Variants in TNIK observed in about 807,000 individuals in gnomAD.
TNIK encodes the protein TRAF2 and NCK interacting kinase.
In TNIK, 49 loss-of-function variants were observed where a neutral mutation model predicts 191.3. The observed-to-expected ratio is 0.26, with a 90% CI of 0.20 to 0.32. The LOEUF (loss-of-function observed/expected upper bound fraction) is 0.32, where lower values mean the gene tolerates loss of function less well. Ranked by LOEUF, TNIK falls within the 10% of genes least tolerant of loss-of-function variation. The pLI is 1.00. For missense variants in TNIK, 1,155 were observed against 1,702.3 expected (o/e 0.68, Z 5.66); for synonymous variants, 594 against 600.9 (o/e 0.99, Z 0.17).
At chr3:171,355,616 G>C (rs1713923499) in intron 2 of TNIK, among the ~76,000 whole-genome samples, 1 of 152,182 alleles carries the variant, frequency 6.6e-6, no homozygotes, top group Admixed American at 6.5e-5. Flanking sequence ...GAAAGAATGA[G>C]ATAACTCTGG....
intron 10 of TNIK, among the ~76,000 whole-genome samples, chr3:171,165,033 A>G (rs1236023519): frequency 6.6e-6 from 1 of 152,194 alleles, no homozygotes; most frequent in Non-Finnish European, 1.5e-5. Flanking sequence ...CATGCCTATA[A>G]TACCAGCACT....
At chr3:171,074,609 T>C (rs1719654180) in intron 28 of TNIK, among the ~76,000 whole-genome samples, 1 of 152,206 alleles carries the variant, frequency 6.6e-6, no homozygotes, top group Non-Finnish European at 1.5e-5. Flanking sequence ...AAATTTAAAA[T>C]CATCTTGAAA....
intron 21 of TNIK, among the ~76,000 whole-genome samples, chr3:171,105,406 G>A (rs1156753716): frequency 6.6e-6 from 1 of 152,180 alleles, no homozygotes; most frequent in African/African-American, 2.4e-5. Flanking sequence ...AACCAAAACT[G>A]TCTCCAGATT....
At position 171,350,388 on chromosome 3, in the gene TNIK, TAC is replaced by T. The variant is rs572305214; in HGVS notation, c.123+19230_123+19231del. Among the ~76,000 whole-genome samples the T allele has an allele frequency of 2.4e-3, 356 of 147,362 alleles. 2 individuals carry two copies. Among genetic ancestry groups the T allele is most frequent in the African/African-American group, 8.0e-3 (332 of 41,266 alleles). On this transcript the variant is annotated intron_variant, in intron 2 of 32. Transcript: ENST00000436636. Reference sequence around the variant, plus strand: ...ATTCTGAGGTGTTTCTAGAGCTCTTTACAACTAATCTCAACACCCAGAATGAA... The same window carrying T: ...ATTCTGAGGTGTTTCTAGAGCTCTTTAACTAATCTCAACACCCAGAATGAA...
intron 2 of TNIK, among the ~76,000 whole-genome samples, chr3:171,300,401 G>A (rs1366626534): frequency 1.3e-5 from 2 of 152,132 alleles, no homozygotes; most frequent in Non-Finnish European, 2.9e-5. Flanking sequence ...CTTGAAGGTT[G>A]TAAGGAAGAA....
chr3:171,393,834 G>T (rs1719878940), intron 1 of TNIK, among the ~76,000 whole-genome samples: 1 of 152,150 alleles, frequency 6.6e-6, no homozygotes, highest in African/African-American at 2.4e-5. Flanking sequence ...ACAGGACACG[G>T]ACAGAAAAGA....
intron 2 of TNIK, among the ~76,000 whole-genome samples, chr3:171,302,225 A>G (rs1388279130): frequency 4.6e-5 from 7 of 152,132 alleles, no homozygotes; most frequent in Admixed American, 2.6e-4. Context: ...TGGCCTCACA[A>G]GCCTGTCTCT....
intron 2 of TNIK, among the ~76,000 whole-genome samples, chr3:171,284,867 G>A (rs1405809233): frequency 1.3e-5 from 2 of 152,166 alleles, no homozygotes; most frequent in East Asian, 3.8e-4. Context: ...ACTAAAGCAG[G>A]GAAGGAGTAA....
intron 31 of TNIK, 41 bp downstream of exon 31, chr3:171,066,535 G>C: frequency 6.2e-7 from 1 of 1,612,094 alleles, no homozygotes; most frequent in South Asian, 1.1e-5. Context: ...TTTCATTTGG[G>C]GGGTGTAACT....
chr3:171,459,787 A>C (rs13060086), intron 1 of TNIK, among the ~76,000 whole-genome samples: 1 of 151,456 alleles, frequency 6.6e-6, no homozygotes, highest in Non-Finnish European at 1.5e-5. Flanking sequence ...GGAGAGCCTA[A>C]GCCACGGCCA....
At chr3:171,183,746 C>T (rs1387232562) in intron 7 of TNIK, among the ~76,000 whole-genome samples, 2 of 152,090 alleles carry the variant, frequency 1.3e-5, no homozygotes, top group South Asian at 2.1e-4. Flanking sequence ...CACAGTGAAA[C>T]CCTGTCTCTA....
At chr3:171,278,949 C>T (rs561163413) in intron 2 of TNIK, among the ~76,000 whole-genome samples, 25 of 152,234 alleles carry the variant, frequency 1.6e-4, no homozygotes, top group African/African-American at 6.0e-4. Context: ...AGAAATTGTA[C>T]AGTACTGAGC....
intron 2 of TNIK, among the ~76,000 whole-genome samples, chr3:171,311,119 T>C (rs1269691446): frequency 6.6e-6 from 1 of 151,472 alleles, no homozygotes; most frequent in Non-Finnish European, 1.5e-5. Context: ...TAAAAGCATG[T>C]CCCCACAGTA....
rs564803529 is a variant in TNIK at position 171,230,482 on chromosome 3, C to T, written c.124-2261G>A. On this transcript the variant is annotated intron_variant, in intron 2 of 32. Coordinates refer to ENST00000436636, the MANE Select transcript of TNIK (RefSeq NM_015028.4). Reference sequence around the variant, plus strand: ...CAGGATACAGACAAACCACTGGGCACGGCTTGCAGGGCCCTCCAAGAGCTG... The same window carrying T: ...CAGGATACAGACAAACCACTGGGCATGGCTTGCAGGGCCCTCCAAGAGCTG... Among the ~76,000 whole-genome samples, 6 of 152,274 alleles carry T rather than the reference C, an allele frequency of 3.9e-5. No homozygotes were observed. In the East Asian group the frequency reaches 7.7e-4, roughly 20 times the overall value.
rs114773297 is a variant in TNIK, at chr3:171,360,270, A to G, written c.123+9350T>C. ...TGCATGTGTCTACATCCTTCAACAC[A>G]TCAACTACACCAAGCAATGCCACCA... On this transcript the variant is annotated intron_variant, in intron 2 of 32. Coordinates refer to ENST00000436636, the MANE Select transcript of TNIK (RefSeq NM_015028.4). Among the ~76,000 whole-genome samples the G allele has an allele frequency of 3.7e-3, 566 of 152,336 alleles. 3 individuals are homozygous for G. The highest frequency in any genetic ancestry group is 0.012 in the African/African-American group (504 of 41,584).
intron 2 of TNIK, among the ~76,000 whole-genome samples, chr3:171,309,242 C>G (rs2108295224): frequency 6.6e-6 from 1 of 152,252 alleles, no homozygotes; most frequent in African/African-American, 2.4e-5. Flanking sequence ...GAGACCATGT[C>G]TTTTGCAGCA....
chr3:171,092,644 A>G (rs772839686), intron 23 of TNIK, among the ~76,000 whole-genome samples: 2 of 152,266 alleles, frequency 1.3e-5, no homozygotes, highest in Admixed American at 6.5e-5. Context: ...TTTAAAGGCT[A>G]CTTGAAAGAT....
chr3:171,176,675 G>A (rs562408866), intron 8 of TNIK, among the ~76,000 whole-genome samples: 1 of 152,324 alleles, frequency 6.6e-6, no homozygotes, highest in Admixed American at 6.5e-5. Flanking sequence ...ACTGTGCTAG[G>A]TCACTGGCGG....
At chr3:171,206,335 G>GTATGTATATATATA (rs1553855836) in intron 4 of TNIK, among the ~76,000 whole-genome samples, 5 of 133,030 alleles carry the variant, frequency 3.8e-5, no homozygotes, top group Non-Finnish European at 8.0e-5. Flanking sequence ...ATATGTTCGT[G>GTATGTATATATATA]TATATATATA....
Sources: allele counts gnomAD v4.1 joint callset (sites outside exome capture counted in the v4.1 genomes callset), GRCh38; gene constraint gnomAD v4.1.1; transcripts MANE v1.5; gene names NCBI Gene and HGNC (gene_info 2026-07-23, HGNC 2026-07-21).